ITGAM: variants seen among roughly 807,000 people sequenced by gnomAD.
ITGAM encodes the protein integrin subunit alpha M, also known as integrin alpha-M.
ITGAM carries 79 observed loss-of-function variants against 137.5 expected under a neutral mutation model. That is an observed-to-expected ratio of 0.57 (90% CI 0.48 to 0.69). The LOEUF (loss-of-function observed/expected upper bound fraction) is 0.69. ITGAM is among the 30% of genes least tolerant of loss of function. The pLI is 0.00. For missense variants in ITGAM, 1,343 were observed against 1,483.5 expected, an observed-to-expected ratio of 0.91 and a Z score of 1.56; for synonymous variants, 583 against 592.3, an observed-to-expected ratio of 0.98 and a Z score of 0.23.
intron 14 of ITGAM, among the ~76,000 whole-genome samples, chr16:31,298,954 C>T (rs1438246913): frequency 6.6e-6 from 1 of 152,116 alleles, no homozygotes; most frequent in Non-Finnish European, 1.5e-5. Context: ...CTGGAGGGAC[C>T]CTTACAGTCT....
Position 31,278,173 on chromosome 16 carries a change from G to A in ITGAM, c.1356+64G>A, listed in dbSNP as rs1416720504. The A allele has an allele frequency of 2.6e-6, 4 of 1,511,258 alleles. No individual in the cohort carries two copies. The Admixed American group carries it at 8.4e-5, about 32-fold the overall frequency. 93.6% of individuals were successfully genotyped at this position (1,511,258 alleles called of 1,614,324 possible). On this transcript the variant is annotated intron_variant, in intron 12 of 29. Transcript: ENST00000544665. ...GCGCCCTGGGGTCTTAGAGATTCCA[G>A]GAGGGGCATTCAGATGACATGCATG... is the stretch of plus-strand genomic sequence containing the variant.
rs369934717 is a variant in ITGAM at position 31,331,967 on chromosome 16, G to A, written c.*260G>A. 3.7e-6 allele frequency: 2 copies of A among 535,612 alleles called. No homozygotes were observed. The highest frequency in any genetic ancestry group is 3.3e-5 in the East Asian group (1 of 30,722). 33.2% of individuals were successfully genotyped at this position (535,612 alleles called of 1,614,324 possible). ...TGTGCAAGTATGTGAGTGTGTCCAA[G>A]TGTGTGTGCGTGTGTCCATGTGTGT... On this transcript the variant is annotated 3_prime_UTR_variant, in exon 30 of 30. Transcript: ENST00000544665.
chr16:31,275,496 A>G (rs920017758), intron 8 of ITGAM, 53 bp from the exon 9 acceptor site: 28 of 1,571,542 alleles, frequency 1.8e-5, no homozygotes, highest in Non-Finnish European at 2.4e-5. Context: ...TGTCTTTGCC[A>G]GATGATATTG....
At chr16:31,267,846 G>T (rs2079786783) in intron 5 of ITGAM, among the ~76,000 whole-genome samples, 1 of 151,932 alleles carries the variant, frequency 6.6e-6, no homozygotes, top group Non-Finnish European at 1.5e-5. Flanking sequence ...GTTTCACCTT[G>T]TTGCCCAGGC....
chr16:31,277,454 G>A (rs901125877), intron 11 of ITGAM, among the ~76,000 whole-genome samples: 1 of 151,880 alleles, frequency 6.6e-6, no homozygotes, highest in Non-Finnish European at 1.5e-5. Context: ...CGCCTCCCAG[G>A]TTCAAGCGAT....
chr16:31,302,900 C>A (rs1252111120), intron 14 of ITGAM, among the ~76,000 whole-genome samples: 2 of 149,474 alleles, frequency 1.3e-5, no homozygotes, highest in Non-Finnish European at 3.0e-5. Context: ...CTTTCTTTCT[C>A]TCTCTCTCTT....
In ITGAM at chr16:31,278,125, G is replaced by C. The variant is rs747580871; in HGVS notation, c.1356+16G>C. The stretch of plus-strand genomic sequence containing the variant: ...GGGCACCCAGGTGAGTGCGGTTTGT[G>C]GAGCATGAATGTGCAAACAGAGGCG... On this transcript the variant is annotated intron_variant, in intron 12 of 29. Transcript: ENST00000544665. The C allele has an allele frequency of 5.6e-6, 9 of 1,598,562 alleles. No individual in the cohort carries two copies. In the Admixed American group the frequency reaches 6.9e-5, roughly 12 times the overall value.
chr16:31,269,419 C>A (rs549672302), intron 5 of ITGAM, among the ~76,000 whole-genome samples: 4 of 152,068 alleles, frequency 2.6e-5, no homozygotes, highest in South Asian at 4.1e-4. Flanking sequence ...AGGGCTGTTA[C>A]GATCTTTGTT....
At chr16:31,309,428 A>C (rs903153530) in intron 14 of ITGAM, among the ~76,000 whole-genome samples, 1 of 124,422 alleles carries the variant, frequency 8.0e-6, no homozygotes, top group African/African-American at 3.2e-5. Flanking sequence ...GTCTCTTTTG[A>C]TCTTTGTTGG....
At chr16:31,327,950 G>A in intron 22 of ITGAM, 197 bp from the exon 23 acceptor site, 2 of 580,732 alleles carry the variant, frequency 3.4e-6, no homozygotes, top group Non-Finnish European at 6.2e-6. Flanking sequence ...CCAGTTAGAA[G>A]AAGGTGGTTG....
rs1349642785 is a variant in ITGAM, at chr16:31,261,673, TC to T, written c.29-14del. ...ATGCTACTTTCCTCTGCTTGATCCTTCCCCCATTCTCCCTTTAGCCTTGACC... is the reference window on the plus strand; with the variant it reads ...ATGCTACTTTCCTCTGCTTGATCCTTCCCCATTCTCCCTTTAGCCTTGACC... On this transcript the variant is annotated intron_variant, in intron 1 of 29. Coordinates refer to ENST00000544665, the MANE Select transcript of ITGAM (RefSeq NM_000632.4). 1.3e-6 allele frequency: 2 copies of T among 1,538,528 alleles called. No individual in the cohort carries two copies. Among genetic ancestry groups the T allele is most frequent in the Non-Finnish European group, 1.8e-6 (2 of 1,118,526 alleles).
At chr16:31,329,073 T>TGCC in intron 23 of ITGAM, 155 bp from the exon 24 acceptor site, 193 of 426,126 alleles carry the variant, frequency 4.5e-4, no homozygotes, top group South Asian at 1.0e-3. Flanking sequence ...ACACATTGGT[T>TGCC]CCCCCATCCC....
chr16:31,325,085 G>A (rs369131398), intron 19 of ITGAM, 54 bp downstream of exon 19: 48 of 1,529,658 alleles, frequency 3.1e-5, no homozygotes, highest in Non-Finnish European at 4.1e-5. Context: ...ACCATGACCC[G>A]CTCTTTTCTC....
chr16:31,327,821 G>A (rs2080524233), intron 22 of ITGAM, among the ~76,000 whole-genome samples: 1 of 152,066 alleles, frequency 6.6e-6, no homozygotes, highest in Non-Finnish European at 1.5e-5. Context: ...TGACTGACGG[G>A]TGTTGTTTGG....
At chr16:31,323,424 T>C (rs1452556892) in intron 16 of ITGAM, among the ~76,000 whole-genome samples, 3 of 141,558 alleles carry the variant, frequency 2.1e-5, no homozygotes, top group South Asian at 4.4e-4. Context: ...GAAACTCCAT[T>C]TCAAAAAAAA....
chr16:31,283,335 C>T (rs944561552), intron 12 of ITGAM, among the ~76,000 whole-genome samples: 6 of 152,202 alleles, frequency 3.9e-5, no homozygotes, highest in Non-Finnish European at 8.8e-5. Context: ...GTTCCATTCG[C>T]CCTGTCACTT....
chr16:31,311,129 T>G (rs2080325277), intron 14 of ITGAM, among the ~76,000 whole-genome samples: 1 of 152,108 alleles, frequency 6.6e-6, no homozygotes, highest in African/African-American at 2.4e-5. Flanking sequence ...ATACAAAAAT[T>G]AATTCAAGAT....
At chr16:31,325,161 G>C in intron 19 of ITGAM, 102 bp from the exon 20 acceptor site, 2 of 1,496,304 alleles carry the variant, frequency 1.3e-6, no homozygotes, top group Non-Finnish European at 9.0e-7. Context: ...CCCCTCCACT[G>C]TTGTCTCTTC....
chr16:31,315,754 C>T (rs141589060), intron 14 of ITGAM, among the ~76,000 whole-genome samples: 8,354 of 152,050 alleles, frequency 0.055, 788 homozygotes, highest in African/African-American at 0.19. Flanking sequence ...CCACTGCACC[C>T]GGCCCAGCAC....
Sources: gnomAD v4.1 joint callset for allele counts (sites outside exome capture counted in the v4.1 genomes callset) on GRCh38, gnomAD v4.1.1 for gene constraint, MANE v1.5 for transcripts, NCBI Gene and HGNC (gene_info 2026-07-23, HGNC 2026-07-21) for gene names.